ANXA3: variants seen among roughly 807,000 people sequenced by gnomAD.
ANXA3 encodes the protein annexin A3.
A neutral mutation model predicts 48.8 loss-of-function variants in ANXA3; 46 were observed. The ratio of observed to expected loss-of-function variants is 0.94; its 90% CI spans 0.74 to 1.21. The LOEUF (loss-of-function observed/expected upper bound fraction) is 1.21. Ranked by LOEUF, ANXA3 falls within the 50% of genes most tolerant of loss-of-function variation. The pLI is 0.00. For synonymous variants in ANXA3, 128 were observed against 134.7 expected, an observed-to-expected ratio of 0.95 and a Z score of 0.35; for missense variants, 383 against 378.6, an observed-to-expected ratio of 1.01 and a Z score of -0.10.
chr4:78,564,290 A>G (rs1722684986), intron 2 of ANXA3, among the ~76,000 whole-genome samples: 1 of 152,192 alleles, frequency 6.6e-6, no homozygotes, highest in African/African-American at 2.4e-5. Context: ...GTACTAGAAA[A>G]CACTCAGCTT....
At position 78,586,681 on chromosome 4, in the gene ANXA3, G is replaced by T. The variant is rs115162650; in HGVS notation, c.403+331G>T. Among the ~76,000 whole-genome samples the T allele has an allele frequency of 7.1e-3, 1,085 of 152,264 alleles. 32 individuals carry two copies. Among genetic ancestry groups the T allele is most frequent in the Admixed American group, 0.064 (985 of 15,294 alleles). Reference sequence around the variant, plus strand: ...CTCAAATCGTATTTTATTTTTAGGCGTTAGAAATCACTCAGATTAGATCCA... The same window carrying T: ...CTCAAATCGTATTTTATTTTTAGGCTTTAGAAATCACTCAGATTAGATCCA... On this transcript the variant is annotated intron_variant, in intron 6 of 12. Transcript: ENST00000264908.
intron 6 of ANXA3, among the ~76,000 whole-genome samples, chr4:78,589,631 A>C (rs1041929750): frequency 4.6e-5 from 7 of 152,158 alleles, no homozygotes; most frequent in African/African-American, 1.7e-4. Flanking sequence ...ATATTTGTGC[A>C]TAGCTTTTGG....
At chr4:78,585,558 T>C (rs1420048335) in intron 5 of ANXA3, among the ~76,000 whole-genome samples, 2 of 152,238 alleles carry the variant, frequency 1.3e-5, no homozygotes, top group African/African-American at 4.8e-5. Context: ...ATAGCCTTTA[T>C]ATGGGTAGCA....
chr4:78,598,678 T>C (rs1723476735), intron 10 of ANXA3, among the ~76,000 whole-genome samples: 1 of 152,266 alleles, frequency 6.6e-6, no homozygotes, highest in South Asian at 2.1e-4. Flanking sequence ...TAGCTGGGAT[T>C]ACAGGCACAC....
chr4:78,586,329 A>G lies in ANXA3; in HGVS notation c.382A>G (p.Ile128Val), dbSNP rs1429755007. The G allele has an allele frequency of 6.2e-7, 1 of 1,613,278 alleles. No individual in the cohort carries two copies. The highest frequency in any genetic ancestry group is 8.5e-7 in the Non-Finnish European group (1 of 1,179,560). Residue 128 changes from isoleucine to valine, a missense_variant, in exon 6 of 13, where the codon ATC becomes GTC. Transcript: ENST00000264908. ...TTRTSRQMKD[I>V]SQAYYTVYKK... ...CAGGACAAGCAGGCAAATGAAGGATATCTCTCAAGCCTATTATACAGGTGT... is the reference window on the plus strand; with the variant it reads ...CAGGACAAGCAGGCAAATGAAGGATGTCTCTCAAGCCTATTATACAGGTGT...
chr4:78,591,540 T>C lies in ANXA3; in HGVS notation c.404-4T>C, dbSNP rs1723295537. The C allele has an allele frequency of 1.2e-6, 2 of 1,602,758 alleles. No individual in the cohort carries two copies. The highest frequency in any genetic ancestry group is 4.5e-5 in the East Asian group (2 of 44,778). Reference sequence around the variant, plus strand: ...GGCTTAATTTCATTCTGATTTGGTTTCAGTATACAAGAAGAGTCTTGGAGA... The same window carrying C: ...GGCTTAATTTCATTCTGATTTGGTTCCAGTATACAAGAAGAGTCTTGGAGA... On this transcript the variant is annotated splice_polypyrimidine_tract_variant and splice_region_variant and intron_variant, in intron 6 of 12. Transcript: ENST00000264908.
chr4:78,591,262 C>T (rs1723289834), intron 6 of ANXA3, among the ~76,000 whole-genome samples: 1 of 152,184 alleles, frequency 6.6e-6, no homozygotes, highest in South Asian at 2.1e-4. Context: ...AGCTTTTCCA[C>T]TATGCATCCC....
chr4:78,595,042 C>T (rs778271916), intron 7 of ANXA3, among the ~76,000 whole-genome samples: 5 of 152,146 alleles, frequency 3.3e-5, no homozygotes, highest in African/African-American at 7.2e-5. Flanking sequence ...GAGGCTGAAG[C>T]GGGAAGATGG....
At position 78,573,864 on chromosome 4, in the gene ANXA3, G is replaced by A. The variant is rs553562451; in HGVS notation, c.103+597G>A. Among the ~76,000 whole-genome samples, 4 of 152,294 alleles carry A rather than the reference G, an allele frequency of 2.6e-5. No individual in the cohort carries two copies. The East Asian group carries it at 7.7e-4, about 29-fold the overall frequency. On this transcript the variant is annotated intron_variant, in intron 3 of 12. Transcript: ENST00000264908. Reference sequence around the variant, plus strand: ...GAGTATGTTAATTAGCATATAATGAGATCCTAGGAGAATCCTAGGTCAAAT... The same window carrying A: ...GAGTATGTTAATTAGCATATAATGAAATCCTAGGAGAATCCTAGGTCAAAT...
intron 2 of ANXA3, among the ~76,000 whole-genome samples, chr4:78,556,501 T>C (rs914095568): frequency 1.8e-4 from 27 of 148,284 alleles, no homozygotes; most frequent in Admixed American, 2.0e-4. Flanking sequence ...TACTGTTTGA[T>C]TTTTTTTTTT....
At chr4:78,558,402 T>C (rs1253685983) in intron 2 of ANXA3, among the ~76,000 whole-genome samples, 1 of 152,258 alleles carries the variant, frequency 6.6e-6, no homozygotes, top group Non-Finnish European at 1.5e-5. Context: ...TAAACATTCT[T>C]ATCACAAAGT....
rs1013503522 is a variant in ANXA3 at position 78,586,370 on chromosome 4, C to T, written c.403+20C>T. The T allele has an allele frequency of 6.4e-7, 1 of 1,557,216 alleles. No homozygotes were observed. Among genetic ancestry groups the T allele is most frequent in the Non-Finnish European group, 8.8e-7 (1 of 1,131,760 alleles). ...ATACAGGTGTCTTATTTTCTGCTTA[C>T]CTTCACCACTGTTCACACATATTTG... On this transcript the variant is annotated intron_variant, in intron 6 of 12. Transcript: ENST00000264908.
intron 4 of ANXA3, among the ~76,000 whole-genome samples, chr4:78,580,164 G>A (rs995722013): frequency 2.0e-5 from 3 of 152,158 alleles, no homozygotes; most frequent in Non-Finnish European, 4.4e-5. Flanking sequence ...GAATTAAAAT[G>A]GTTGATATGA....
intron 2 of ANXA3, among the ~76,000 whole-genome samples, chr4:78,556,794 G>A (rs904604292): frequency 1.3e-5 from 2 of 151,894 alleles, no homozygotes; most frequent in Non-Finnish European, 2.9e-5. Flanking sequence ...TCTGGCCCTC[G>A]CCCATGAGTA....
At chr4:78,590,443 G>C (rs1022714228) in intron 6 of ANXA3, among the ~76,000 whole-genome samples, 2 of 152,104 alleles carry the variant, frequency 1.3e-5, no homozygotes, top group African/African-American at 4.8e-5. Flanking sequence ...TTCTATAATT[G>C]TCTTTCATTG....
chr4:78,579,258 G>A, intron 4 of ANXA3, 137 bp downstream of exon 4: 1 of 552,834 alleles, frequency 1.8e-6, no homozygotes, highest in Non-Finnish European at 3.3e-6. Context: ...CAGGAGCCTG[G>A]AATCTGAGTC....
Position 78,561,019 on chromosome 4 carries a change from G to A in ANXA3, c.15+6531G>A, listed in dbSNP as rs553502787. On this transcript the variant is annotated intron_variant, in intron 2 of 12. Transcript: ENST00000264908. Reference sequence around the variant, plus strand: ...TGATCAGAAGCTCTGATTTTTAGATGTATTTTTCATATGTGGGAAAAATAG... The same window carrying A: ...TGATCAGAAGCTCTGATTTTTAGATATATTTTTCATATGTGGGAAAAATAG... Among the ~76,000 whole-genome samples the A allele has an allele frequency of 3.0e-3, 452 of 152,294 alleles. 2 individuals are homozygous for A. Among genetic ancestry groups the A allele is most frequent in the Middle Eastern group, 0.017 (5 of 294 alleles).
intron 7 of ANXA3, among the ~76,000 whole-genome samples, chr4:78,593,995 G>A (rs1002027647): frequency 2.6e-5 from 4 of 151,952 alleles, no homozygotes; most frequent in Non-Finnish European, 4.4e-5. Context: ...AATGTCATAT[G>A]TCTATCATTA....
At chr4:78,560,691 A>C (rs1722609311) in intron 2 of ANXA3, among the ~76,000 whole-genome samples, 2 of 152,128 alleles carry the variant, frequency 1.3e-5, no homozygotes, top group African/African-American at 4.8e-5. Flanking sequence ...CAGAGTTGCA[A>C]CCCTGTGATC....
Sources: allele counts gnomAD v4.1 joint callset (sites outside exome capture counted in the v4.1 genomes callset), GRCh38; gene constraint gnomAD v4.1.1; transcripts MANE v1.5; gene names NCBI Gene and HGNC (gene_info 2026-07-23, HGNC 2026-07-21).